The following CSMD1 variants were observed in gnomAD, a reference collection of about 807,000 sequenced individuals.
CSMD1 encodes the protein CUB and sushi domain-containing protein 1.
In CSMD1, 213 loss-of-function variants were observed where a neutral mutation model predicts 417.5. The observed-to-expected ratio is 0.51, with a 90% confidence interval of 0.46 to 0.57. CSMD1 has a LOEUF of 0.57. Among genes scored for constraint, CSMD1 ranks in the 20% least tolerant of loss-of-function variants. The probability of loss-of-function intolerance (pLI) is 0.00; values close to 1 mark genes in which losing one functional copy is unlikely to be tolerated. For synonymous variants in CSMD1, 2,862 were observed against 1,736.8 expected (o/e 1.65, Z -16.11); for missense variants, 6,923 against 4,529.7 (o/e 1.53, Z -15.17).
chr8:3,560,197 CAA>C (rs1799410116), intron 10 of CSMD1, among the ~76,000 whole-genome samples: 1 of 151,926 alleles, frequency 6.6e-6, no homozygotes, highest in Non-Finnish European at 1.5e-5. Flanking sequence ...TAATGGAATG[CAA>C]AGAAATTCAA....
At chr8:4,425,376 T>A (rs1461327412) in intron 2 of CSMD1, among the ~76,000 whole-genome samples, 2 of 103,132 alleles carry the variant, frequency 1.9e-5, no homozygotes, top group African/African-American at 8.6e-5. Flanking sequence ...CTTATTTGTG[T>A]GCCAAAAAAA....
At chr8:3,542,403 C>A (rs1340128203) in intron 10 of CSMD1, among the ~76,000 whole-genome samples, 1 of 152,174 alleles carries the variant, frequency 6.6e-6, no homozygotes, top group Non-Finnish European at 1.5e-5. Context: ...AGCACCTACC[C>A]TGTTCCAGAT....
intron 5 of CSMD1, among the ~76,000 whole-genome samples, chr8:3,783,961 C>T (rs1364916562): frequency 1.3e-5 from 2 of 152,202 alleles, no homozygotes; most frequent in South Asian, 2.1e-4. Context: ...ATTACCTGCC[C>T]TTGGGCAAAT....
At chr8:3,170,216 A>AT (rs1003206097) in intron 37 of CSMD1, among the ~76,000 whole-genome samples, 60 of 151,148 alleles carry the variant, frequency 4.0e-4, no homozygotes, top group Middle Eastern at 3.4e-3. Flanking sequence ...ATTGTATTTT[A>AT]TTTTTTTTTG....
chr8:4,672,362 A>G (rs1374432539), intron 1 of CSMD1, among the ~76,000 whole-genome samples: 1 of 152,202 alleles, frequency 6.6e-6, no homozygotes, highest in Admixed American at 6.5e-5. Flanking sequence ...ACTTGAAGTA[A>G]CTGTAAAGAG....
At chr8:4,916,668 G>A (rs999254049) in intron 1 of CSMD1, among the ~76,000 whole-genome samples, 22 of 152,124 alleles carry the variant, frequency 1.4e-4, no homozygotes, top group African/African-American at 3.6e-4. Context: ...AAGAGTCTAG[G>A]CATTTTTTTA....
chr8:3,654,977 A>C (rs1379277196), intron 7 of CSMD1, among the ~76,000 whole-genome samples: 7 of 152,228 alleles, frequency 4.6e-5, no homozygotes, highest in African/African-American at 1.7e-4. Flanking sequence ...CAAACTGAAA[A>C]TGCCAGGTGT....
intron 1 of CSMD1, chr8:4,787,384 CAAAA>C: frequency 1.4e-6 from 1 of 733,452 alleles, no homozygotes; most frequent in Non-Finnish European, 2.5e-6. Flanking sequence ...GAGGGTAAAA[CAAAA>C]GAAGTCTACG....
chr8:3,176,736 C>T (rs751927182), intron 37 of CSMD1, among the ~76,000 whole-genome samples: 2 of 151,946 alleles, frequency 1.3e-5, no homozygotes, highest in African/African-American at 2.4e-5. Flanking sequence ...TGGCAGGTAC[C>T]CTGGTGACCT....
At chr8:4,241,841 T>C (rs1802425012) in intron 3 of CSMD1, among the ~76,000 whole-genome samples, 1 of 151,840 alleles carries the variant, frequency 6.6e-6, no homozygotes, top group African/African-American at 2.4e-5. Flanking sequence ...CTCCCAAGTA[T>C]GGGGTGATTT....
intron 3 of CSMD1, among the ~76,000 whole-genome samples, chr8:4,073,392 T>G (rs1319628173): frequency 6.6e-6 from 1 of 152,112 alleles, no homozygotes; most frequent in East Asian, 1.9e-4. Flanking sequence ...CTAAAAAAAG[T>G]AAATTTAGAA....
chr8:4,539,819 T>C (rs535910423), intron 2 of CSMD1, among the ~76,000 whole-genome samples: 2 of 152,288 alleles, frequency 1.3e-5, no homozygotes, highest in African/African-American at 4.8e-5. Flanking sequence ...GGGTTAAGCA[T>C]TATGTGTATG....
intron 10 of CSMD1, among the ~76,000 whole-genome samples, chr8:3,521,008 A>T (rs1461099374): frequency 1.3e-5 from 2 of 152,114 alleles, no homozygotes; most frequent in Non-Finnish European, 2.9e-5. Flanking sequence ...TCTCTGGAGC[A>T]TCCATTCCTC....
intron 10 of CSMD1, among the ~76,000 whole-genome samples, chr8:3,526,650 A>G (rs889589512): frequency 6.6e-6 from 1 of 152,090 alleles, no homozygotes; most frequent in Non-Finnish European, 1.5e-5. Flanking sequence ...CCCGATCGAT[A>G]TTTTACACTA....
At chr8:3,858,274 C>G (rs1016703472) in intron 5 of CSMD1, among the ~76,000 whole-genome samples, 4 of 152,048 alleles carry the variant, frequency 2.6e-5, no homozygotes, top group African/African-American at 9.7e-5. Context: ...GAGGATGGGC[C>G]TTATCAAACC....
chr8:3,833,467 G>T (rs1033938109), intron 5 of CSMD1, among the ~76,000 whole-genome samples: 27 of 151,948 alleles, frequency 1.8e-4, no homozygotes, highest in Admixed American at 1.7e-3. Context: ...ATTTATTAAT[G>T]CTATCTTATT....
intron 2 of CSMD1, among the ~76,000 whole-genome samples, chr8:4,626,494 T>A (rs908252225): frequency 2.0e-5 from 3 of 152,156 alleles, no homozygotes; most frequent in African/African-American, 7.2e-5. Context: ...CTTGGGAAGT[T>A]GTGCTGAAAA....
intron 1 of CSMD1, among the ~76,000 whole-genome samples, chr8:4,990,923 C>G (rs1811430804): frequency 6.6e-6 from 1 of 152,168 alleles, no homozygotes; most frequent in Non-Finnish European, 1.5e-5. Context: ...AGTGCGTGCT[C>G]ACATCTCTGC....
intron 26 of CSMD1, among the ~76,000 whole-genome samples, chr8:3,258,914 G>A (rs1800853370): frequency 6.6e-6 from 1 of 152,178 alleles, no homozygotes. Flanking sequence ...ACACATAAAG[G>A]GGAACAATAG....
Sources: gnomAD v4.1 joint callset for allele counts (sites outside exome capture counted in the v4.1 genomes callset) on GRCh38, gnomAD v4.1.1 for gene constraint, MANE v1.5 for transcripts, NCBI Gene and HGNC (gene_info 2026-07-23, HGNC 2026-07-21) for gene names.